MAD1L1: variants seen among roughly 807,000 people sequenced by gnomAD.
MAD1L1 encodes the protein mitotic spindle assembly checkpoint protein MAD1.
A neutral mutation model predicts 96.9 loss-of-function variants in MAD1L1; 95 were observed. The observed-to-expected ratio is 0.98, with a 90% confidence interval of 0.83 to 1.16. The LOEUF (loss-of-function observed/expected upper bound fraction) is 1.16, where lower values mean the gene tolerates loss of function less well. Ranked by LOEUF, MAD1L1 falls within the 50% of genes most tolerant of loss-of-function variation. MAD1L1 has a pLI of 0.00. For missense variants in MAD1L1, 1,007 were observed against 954.4 expected, an observed-to-expected ratio of 1.06 and a Z score of -0.73; for synonymous variants, 473 against 396.6, an observed-to-expected ratio of 1.19 and a Z score of -2.29.
At chr7:2,160,396 A>G (rs1490998491) in intron 10 of MAD1L1, among the ~76,000 whole-genome samples, 3 of 138,552 alleles carry the variant, frequency 2.2e-5, no homozygotes, top group African/African-American at 2.8e-5. Flanking sequence ...GCAGTGGCGC[A>G]ATCTTGGCTC....
At chr7:2,192,587 G>A (rs909586997) in intron 10 of MAD1L1, among the ~76,000 whole-genome samples, 2 of 152,186 alleles carry the variant, frequency 1.3e-5, no homozygotes, top group African/African-American at 4.8e-5. Flanking sequence ...AGATGAGAAT[G>A]AAAGTGTGAC....
intron 14 of MAD1L1, among the ~76,000 whole-genome samples, chr7:1,998,497 C>T (rs572304941): frequency 3.3e-5 from 5 of 152,330 alleles, no homozygotes; most frequent in African/African-American, 1.2e-4. Flanking sequence ...CCCCCAGGCA[C>T]GTTTCAATTC....
At chr7:1,839,502 T>C (rs1783126098) in intron 18 of MAD1L1, among the ~76,000 whole-genome samples, 1 of 152,188 alleles carries the variant, frequency 6.6e-6, no homozygotes, top group Non-Finnish European at 1.5e-5. Context: ...CGAGTGGGGC[T>C]GACAAACCCC....
chr7:2,014,105 C>T (rs556949455), intron 13 of MAD1L1, among the ~76,000 whole-genome samples: 19 of 152,308 alleles, frequency 1.2e-4, no homozygotes, highest in African/African-American at 2.9e-4. Flanking sequence ...TCCCCAGCAG[C>T]GGGGACTAGA....
intron 14 of MAD1L1, among the ~76,000 whole-genome samples, chr7:1,983,531 G>GAT: frequency 6.6e-6 from 1 of 152,318 alleles, no homozygotes; most frequent in South Asian, 2.1e-4. Context: ...ATGGAACTGA[G>GAT]ATATAATTCA....
At chr7:2,080,066 C>A in intron 11 of MAD1L1, 1 of 211,720 alleles carries the variant, frequency 4.7e-6, no homozygotes, top group Non-Finnish European at 9.6e-6. Flanking sequence ...GGACAGAAGC[C>A]CCAAGGGGCC....
chr7:2,074,840 G>C (rs1021458739), intron 11 of MAD1L1, among the ~76,000 whole-genome samples: 4 of 152,210 alleles, frequency 2.6e-5, no homozygotes, highest in Non-Finnish European at 4.4e-5. Context: ...CGGAGGCTGG[G>C]GGGGCCCTCG....
intron 17 of MAD1L1, among the ~76,000 whole-genome samples, chr7:1,903,105 G>A (rs1787361462): frequency 6.6e-6 from 1 of 151,960 alleles, no homozygotes; most frequent in Non-Finnish European, 1.5e-5. Flanking sequence ...CAGGCAGCGA[G>A]GACGCAGTGG....
chr7:2,051,450 G>A (rs1338027543), intron 12 of MAD1L1, among the ~76,000 whole-genome samples: 3 of 152,154 alleles, frequency 2.0e-5, no homozygotes, highest in Non-Finnish European at 2.9e-5. Context: ...AAGTGGTGGC[G>A]AGGGGGGCGC....
chr7:2,197,570 A>T (rs983678170), intron 10 of MAD1L1, among the ~76,000 whole-genome samples: 1 of 152,124 alleles, frequency 6.6e-6, no homozygotes, highest in Admixed American at 6.5e-5. Flanking sequence ...GCTCGGACAC[A>T]GGCACGACCA....
chr7:2,006,178 C>G lies in MAD1L1; in HGVS notation c.1360-4057G>C, dbSNP rs567766756. Among the ~76,000 whole-genome samples, 13 of 152,220 alleles carry G rather than the reference C, an allele frequency of 8.5e-5. No homozygotes were observed. The South Asian group carries it at 2.7e-3, about 32-fold the overall frequency. ...TCCTAAGAACAGAGCCATGGAACAC[C>G]GAGAGAACACAGACGAGCAGGCCCT... On this transcript the variant is annotated intron_variant, in intron 13 of 18. Transcript: ENST00000265854.
At chr7:1,859,275 C>T (rs1313304707) in intron 18 of MAD1L1, among the ~76,000 whole-genome samples, 1 of 152,212 alleles carries the variant, frequency 6.6e-6, no homozygotes, top group African/African-American at 2.4e-5. Context: ...TGATCAGAAC[C>T]CTGACCAGGC....
chr7:1,933,238 C>T (rs1789582770), intron 17 of MAD1L1, among the ~76,000 whole-genome samples: 1 of 152,202 alleles, frequency 6.6e-6, no homozygotes, highest in Non-Finnish European at 1.5e-5. Flanking sequence ...AGGGATACTC[C>T]GGGTAGGAGC....
At chr7:2,223,930 T>C (rs1481360257) in intron 4 of MAD1L1, among the ~76,000 whole-genome samples, 2 of 152,142 alleles carry the variant, frequency 1.3e-5, no homozygotes, top group Non-Finnish European at 2.9e-5. Flanking sequence ...CATGCAGCTG[T>C]GTCTGCGGGC....
chr7:2,153,954 G>A (rs531062224), intron 10 of MAD1L1, among the ~76,000 whole-genome samples: 27 of 152,260 alleles, frequency 1.8e-4, no homozygotes, highest in African/African-American at 6.3e-4. Context: ...TCAGGAGTTC[G>A]AGACCAGCCC....
chr7:2,074,670 C>G (rs958013752), intron 11 of MAD1L1, among the ~76,000 whole-genome samples: 3 of 152,252 alleles, frequency 2.0e-5, no homozygotes, highest in African/African-American at 7.2e-5. Flanking sequence ...CAGGCACTCC[C>G]TGGCGAAGCG....
At chr7:1,865,970 A>G (rs1302475738) in intron 18 of MAD1L1, among the ~76,000 whole-genome samples, 8 of 152,238 alleles carry the variant, frequency 5.3e-5, no homozygotes, top group Admixed American at 5.2e-4. Context: ...TGGGCCAGGC[A>G]GACAGCCGTG....
chr7:1,950,324 G>GTCCC (rs1321052781), intron 16 of MAD1L1, among the ~76,000 whole-genome samples: 1 of 152,110 alleles, frequency 6.6e-6, no homozygotes, highest in Admixed American at 6.5e-5. Flanking sequence ...CTGTCCGTCC[G>GTCCC]TCCAGTGGCT....
chr7:1,976,522 T>A (rs116065543), intron 15 of MAD1L1, among the ~76,000 whole-genome samples: 1 of 152,200 alleles, frequency 6.6e-6, no homozygotes, highest in Admixed American at 6.5e-5. Flanking sequence ...CTACATCTCA[T>A]AAAGCAGTGC....
Sources: allele counts gnomAD v4.1 joint callset (sites outside exome capture counted in the v4.1 genomes callset), GRCh38; gene constraint gnomAD v4.1.1; transcripts MANE v1.5; gene names NCBI Gene and HGNC (gene_info 2026-07-23, HGNC 2026-07-21).